Variants in GALNT7 observed in about 807,000 individuals in gnomAD.
GALNT7 encodes polypeptide N-acetylgalactosaminyltransferase 7.
A neutral mutation model predicts 82.1 loss-of-function variants in GALNT7; 60 were observed. The observed-to-expected ratio is 0.73, with a 90% CI of 0.59 to 0.91. GALNT7 has a LOEUF of 0.91. Among genes scored for constraint, GALNT7 ranks in the 40% least tolerant of loss-of-function variants. GALNT7 has a pLI of 0.00. For synonymous variants in GALNT7, 243 were observed against 275.1 expected (o/e 0.88, Z 1.15); for missense variants, 660 against 804.2 (o/e 0.82, Z 2.17).
At chr4:173,272,268 A>T (rs1356001336) in intron 2 of GALNT7, among the ~76,000 whole-genome samples, 1 of 152,146 alleles carries the variant, frequency 6.6e-6, no homozygotes, top group African/African-American at 2.4e-5. Flanking sequence ...GACTATCTGT[A>T]GACCATTAGA....
intron 2 of GALNT7, among the ~76,000 whole-genome samples, chr4:173,281,727 G>A (rs766144172): frequency 9.2e-5 from 14 of 152,166 alleles, no homozygotes; most frequent in Non-Finnish European, 1.6e-4. Context: ...GCACAAATCC[G>A]TTCCTTCATC....
At chr4:173,294,829 A>G (rs888655797) in intron 3 of GALNT7, among the ~76,000 whole-genome samples, 1 of 152,200 alleles carries the variant, frequency 6.6e-6, no homozygotes, top group East Asian at 1.9e-4. Context: ...TATACACTTG[A>G]TGCTTAAGAT....
intron 1 of GALNT7, among the ~76,000 whole-genome samples, chr4:173,224,881 G>A (rs1050069730): frequency 4.0e-5 from 6 of 151,762 alleles, no homozygotes; most frequent in Non-Finnish European, 7.4e-5. Context: ...CAGGCGTGGT[G>A]GCGCGCGCCT....
chr4:173,183,513 T>C (rs1243386044), intron 1 of GALNT7, among the ~76,000 whole-genome samples: 1 of 152,180 alleles, frequency 6.6e-6, no homozygotes, highest in African/African-American at 2.4e-5. Flanking sequence ...AGAATTTTTC[T>C]TAGTACAGAA....
At position 173,247,295 on chromosome 4, in the gene GALNT7, C is replaced by T. The variant is rs183927939; in HGVS notation, c.127-685C>T. Among the ~76,000 whole-genome samples, 93 of 151,142 alleles carry T rather than the reference C, an allele frequency of 6.2e-4. 1 individual carries two copies. Among genetic ancestry groups the T allele is most frequent in the African/African-American group, 1.8e-3 (75 of 41,144 alleles). The stretch of plus-strand genomic sequence containing the variant: ...GGCACCCTTTACTGTGAATGAATAT[C>T]CTTGTACAAAGAATCTGTTTTGACC... On this transcript the variant is annotated intron_variant, in intron 1 of 11. Transcript: ENST00000265000.
chr4:173,174,308 G>A (rs1329848744), intron 1 of GALNT7, among the ~76,000 whole-genome samples: 1 of 152,168 alleles, frequency 6.6e-6, no homozygotes, highest in Non-Finnish European at 1.5e-5. Context: ...TTCCTAAAGT[G>A]TCCTCTAAAC....
At chr4:173,262,920 A>G (rs1735335216) in intron 2 of GALNT7, among the ~76,000 whole-genome samples, 2 of 152,184 alleles carry the variant, frequency 1.3e-5, no homozygotes, top group Admixed American at 1.3e-4. Flanking sequence ...TGTAAGTGGT[A>G]TGTGTTTTAT....
intron 1 of GALNT7, among the ~76,000 whole-genome samples, chr4:173,210,748 G>A (rs542748192): frequency 6.6e-6 from 1 of 152,156 alleles, no homozygotes; most frequent in Non-Finnish European, 1.5e-5. Flanking sequence ...TTCCTTTTAC[G>A]TTTGCTGATT....
At chr4:173,199,980 G>A (rs1732895006) in intron 1 of GALNT7, among the ~76,000 whole-genome samples, 1 of 152,134 alleles carries the variant, frequency 6.6e-6, no homozygotes, top group South Asian at 2.1e-4. Context: ...GTACATTATT[G>A]ATCTCTAATT....
intron 2 of GALNT7, among the ~76,000 whole-genome samples, chr4:173,263,094 G>A (rs1735340856): frequency 6.6e-6 from 1 of 152,108 alleles, no homozygotes; most frequent in South Asian, 2.1e-4. Flanking sequence ...TATCCACACA[G>A]TGAAAAAGAT....
intron 1 of GALNT7, among the ~76,000 whole-genome samples, chr4:173,179,487 C>G (rs1218283886): frequency 6.6e-6 from 1 of 152,160 alleles, no homozygotes; most frequent in Non-Finnish European, 1.5e-5. Context: ...ACAAACCAAA[C>G]CTGATAAGAT....
chr4:173,268,527 CTCGT>C (rs1469882107), intron 2 of GALNT7, among the ~76,000 whole-genome samples: 3 of 121,838 alleles, frequency 2.5e-5, no homozygotes, highest in Admixed American at 1.0e-4. Context: ...TGTTTTCTCT[CTCGT>C]TTTTTTTTTT....
At chr4:173,172,632 C>T (rs1430354971) in intron 1 of GALNT7, among the ~76,000 whole-genome samples, 1 of 152,100 alleles carries the variant, frequency 6.6e-6, no homozygotes, top group Admixed American at 6.5e-5. Flanking sequence ...CTCATGTCTG[C>T]CTAGCTGCCT....
chr4:173,219,532 G>A (rs1472879680), intron 1 of GALNT7, among the ~76,000 whole-genome samples: 1 of 152,122 alleles, frequency 6.6e-6, no homozygotes, highest in African/African-American at 2.4e-5. Flanking sequence ...TGGATCAAAT[G>A]GTAGTTCTAC....
intron 6 of GALNT7, 40 bp downstream of exon 6, chr4:173,298,337 TTGCTGCTAACCTATTAACC>T: frequency 7.3e-7 from 1 of 1,374,928 alleles, no homozygotes; most frequent in South Asian, 1.4e-5. Context: ...TTTTCTCCAG[TTGCTGCTAACCTATTAACC>T]TCTTGCCAAG....
At chr4:173,317,873 T>C (rs1296357130) in intron 10 of GALNT7, 141 bp downstream of exon 10, 5 of 610,934 alleles carry the variant, frequency 8.2e-6, no homozygotes, top group South Asian at 8.0e-5. Context: ...TGTAAAAAAA[T>C]TGACAGTGTT....
At chr4:173,184,891 T>C (rs1049833423) in intron 1 of GALNT7, among the ~76,000 whole-genome samples, 7 of 152,196 alleles carry the variant, frequency 4.6e-5, no homozygotes, top group African/African-American at 9.7e-5. Context: ...GCCACAGTTT[T>C]ACATGATAAC....
chr4:173,250,637 CTT>C (rs542842719), intron 2 of GALNT7, among the ~76,000 whole-genome samples: 109 of 152,140 alleles, frequency 7.2e-4, no homozygotes, highest in African/African-American at 2.6e-3. Flanking sequence ...CTCTTACTGT[CTT>C]TTTTTTCAGA....
chr4:173,211,573 A>T (rs1733286258), intron 1 of GALNT7, among the ~76,000 whole-genome samples: 1 of 152,254 alleles, frequency 6.6e-6, no homozygotes, highest in Non-Finnish European at 1.5e-5. Context: ...CAATAACAAG[A>T]GTCAGCAACA....
Sources: gnomAD v4.1 joint callset for allele counts (sites outside exome capture counted in the v4.1 genomes callset) on GRCh38, gnomAD v4.1.1 for gene constraint, MANE v1.5 for transcripts, NCBI Gene and HGNC (gene_info 2026-07-23, HGNC 2026-07-21) for gene names.